Variants in SLC8A1 observed in about 807,000 individuals in gnomAD.
SLC8A1 encodes solute carrier family 8 member A1, also known as sodium/calcium exchanger 1.
Under a neutral mutation model 68.3 loss-of-function variants are expected in SLC8A1, and 18 were observed. That is an observed-to-expected ratio of 0.26 (90% CI 0.18 to 0.39). The LOEUF (loss-of-function observed/expected upper bound fraction) is 0.39, where lower values mean the gene tolerates loss of function less well. SLC8A1 is among the 10% of genes least tolerant of loss of function. SLC8A1 has a pLI of 1.00. For synonymous variants in SLC8A1, 475 were observed against 415.5 expected (o/e 1.14, Z -1.74); for missense variants, 985 against 1,156.7 (o/e 0.85, Z 2.15).
chr2:40,331,820 T>C (rs2076443486), intron 2 of SLC8A1, among the ~76,000 whole-genome samples: 1 of 152,136 alleles, frequency 6.6e-6, no homozygotes, highest in Non-Finnish European at 1.5e-5. Flanking sequence ...TTTGAACTCC[T>C]GACCTCAGGT....
intron 2 of SLC8A1, among the ~76,000 whole-genome samples, chr2:40,314,977 A>AT (rs1266046674): frequency 1.3e-5 from 2 of 151,602 alleles, no homozygotes; most frequent in Non-Finnish European, 2.9e-5. Context: ...TCTGGATGTA[A>AT]TTTTTTTTCT....
rs1573575427 is a variant in SLC8A1 at position 40,174,942 on chromosome 2, C to A, written c.1913-100G>T. The A allele has an allele frequency of 4.6e-6, 5 of 1,082,140 alleles. No individual in the cohort carries two copies. In the East Asian group the frequency reaches 1.2e-4, roughly 26 times the overall value. 67.0% of individuals were successfully genotyped at this position (1,082,140 alleles called of 1,614,324 possible). On this transcript the variant is annotated intron_variant, in intron 3 of 7. Coordinates refer to ENST00000406785, the Ensembl canonical transcript of SLC8A1. Reference sequence around the variant, plus strand: ...CCTGACAACCCACCCAAGGTACTTGCCAAATTATATTTACAATTAAGAAGA... The same window carrying A: ...CCTGACAACCCACCCAAGGTACTTGACAAATTATATTTACAATTAAGAAGA...
intron 4 of SLC8A1, among the ~76,000 whole-genome samples, chr2:40,166,893 ACT>A (rs2046637044): frequency 6.6e-6 from 1 of 152,208 alleles, no homozygotes; most frequent in Non-Finnish European, 1.5e-5. Flanking sequence ...GAATATTACA[ACT>A]TGGACATCTA....
intron 2 of SLC8A1, among the ~76,000 whole-genome samples, chr2:40,354,527 C>A (rs943409461): frequency 3.9e-5 from 6 of 152,114 alleles, no homozygotes; most frequent in Non-Finnish European, 7.3e-5. Context: ...ATAATTCACA[C>A]AGTCAGTCTT....
At chr2:40,259,239 A>G (rs415596) in intron 2 of SLC8A1, among the ~76,000 whole-genome samples, 26,782 of 152,148 alleles carry the variant, frequency 0.18, 2,706 homozygotes, top group Admixed American at 0.3. Flanking sequence ...GACCACTTCC[A>G]AGGATGGAGA....
intron 2 of SLC8A1, among the ~76,000 whole-genome samples, chr2:40,418,541 C>G (rs1204387910): frequency 6.6e-6 from 1 of 152,182 alleles, no homozygotes; most frequent in African/African-American, 2.4e-5. Context: ...CTCAGCTCAT[C>G]AGATTCCTGG....
intron 2 of SLC8A1, among the ~76,000 whole-genome samples, chr2:40,362,082 A>T (rs765500367): frequency 3.3e-5 from 5 of 151,258 alleles, no homozygotes; most frequent in Non-Finnish European, 7.4e-5. Context: ...TTTAGTAGAG[A>T]TGGGGTTTCA....
intron 2 of SLC8A1, among the ~76,000 whole-genome samples, chr2:40,184,407 T>C (rs2050232902): frequency 1.3e-5 from 2 of 152,268 alleles, no homozygotes; most frequent in East Asian, 1.9e-4. Flanking sequence ...CCTGCTCTTT[T>C]CTGGATTATA....
chr2:40,428,777 A>G (rs1390594326), exon 2 of SLC8A1: 1 of 1,613,744 alleles, frequency 6.2e-7, no homozygotes, highest in Non-Finnish European at 8.5e-7. Flanking sequence ...GAAGCTTCAG[A>G]AGATACTTTG....
chr2:40,351,750 G>A (rs540127573), intron 2 of SLC8A1, among the ~76,000 whole-genome samples: 30 of 152,184 alleles, frequency 2.0e-4, no homozygotes, highest in African/African-American at 6.5e-4. Flanking sequence ...ACAGTAAAGA[G>A]CTCTATGTAT....
chr2:40,277,792 G>GTATATA (rs750119043), intron 2 of SLC8A1, among the ~76,000 whole-genome samples: 69 of 92,156 alleles, frequency 7.5e-4, no homozygotes, highest in African/African-American at 1.4e-3. Context: ...ATATATATGT[G>GTATATA]TGTATATATA....
intron 4 of SLC8A1, among the ~76,000 whole-genome samples, chr2:40,173,315 A>C (rs1032921544): frequency 3.9e-5 from 6 of 152,334 alleles, no homozygotes; most frequent in Middle Eastern, 3.4e-3. Context: ...AAATTCCTGC[A>C]CTTGATTTAA....
At chr2:40,407,344 G>T (rs370206813) in intron 2 of SLC8A1, among the ~76,000 whole-genome samples, 3 of 152,186 alleles carry the variant, frequency 2.0e-5, no homozygotes, top group African/African-American at 7.2e-5. Context: ...GGGACTACAG[G>T]CATAAGCCAC....
At chr2:40,387,835 C>G (rs1279167118) in intron 2 of SLC8A1, among the ~76,000 whole-genome samples, 2 of 150,600 alleles carry the variant, frequency 1.3e-5, no homozygotes, top group Admixed American at 6.7e-5. Flanking sequence ...TACTTTGGAG[C>G]CTGAGACATG....
chr2:40,179,446 A>G (rs2049051538), intron 2 of SLC8A1, among the ~76,000 whole-genome samples: 1 of 152,258 alleles, frequency 6.6e-6, no homozygotes. Flanking sequence ...TCAACTTTCC[A>G]TAAGCATTCT....
At chr2:40,287,678 A>T (rs1464312235) in intron 2 of SLC8A1, among the ~76,000 whole-genome samples, 4 of 150,070 alleles carry the variant, frequency 2.7e-5, no homozygotes, top group Non-Finnish European at 4.4e-5. Flanking sequence ...GGACAGGGCC[A>T]TGAAGGCTGG....
At chr2:40,444,649 G>T (rs989914717) in intron 1 of SLC8A1, among the ~76,000 whole-genome samples, 2 of 151,998 alleles carry the variant, frequency 1.3e-5, no homozygotes, top group African/African-American at 2.4e-5. Context: ...CTCGTAAGGC[G>T]CACAAAATTA....
chr2:40,345,944 T>C (rs1288674323), intron 2 of SLC8A1, among the ~76,000 whole-genome samples: 3 of 149,678 alleles, frequency 2.0e-5, no homozygotes, highest in African/African-American at 4.9e-5. Flanking sequence ...CAAACCACCA[T>C]GGCACATGTA....
At chr2:40,312,921 T>C (rs2073922884) in intron 2 of SLC8A1, among the ~76,000 whole-genome samples, 1 of 152,140 alleles carries the variant, frequency 6.6e-6, no homozygotes, top group South Asian at 2.1e-4. Flanking sequence ...AAGTGTTCAA[T>C]GCGATAAATC....
Sources: gnomAD v4.1 joint callset for allele counts (sites outside exome capture counted in the v4.1 genomes callset) on GRCh38, gnomAD v4.1.1 for gene constraint, MANE v1.5 for transcripts, NCBI Gene and HGNC (gene_info 2026-07-23, HGNC 2026-07-21) for gene names.